IKZF2: variants seen among roughly 807,000 people sequenced by gnomAD.
IKZF2 encodes the protein zinc finger protein Helios.
Under a neutral mutation model 49.2 loss-of-function variants are expected in IKZF2, and 15 were observed. The observed-to-expected ratio is 0.30, with a 90% CI of 0.20 to 0.47. The LOEUF is 0.47. Ranked by LOEUF, IKZF2 falls within the 20% of genes least tolerant of loss-of-function variation. The probability of loss-of-function intolerance (pLI) is 1.00; values close to 1 mark genes in which losing one functional copy is unlikely to be tolerated. For synonymous variants in IKZF2, 227 were observed against 221.4 expected (o/e 1.03, Z -0.23); for missense variants, 567 against 664.6 (o/e 0.85, Z 1.61).
chr2:213,138,060 A>G (rs1219234863), intron 4 of IKZF2, among the ~76,000 whole-genome samples: 1 of 152,142 alleles, frequency 6.6e-6, no homozygotes, highest in Non-Finnish European at 1.5e-5. Context: ...GATTAATTAT[A>G]CACTCATCAA....
intron 4 of IKZF2, among the ~76,000 whole-genome samples, chr2:213,120,878 C>CTACG (rs1174381697): frequency 6.6e-6 from 1 of 152,092 alleles, no homozygotes; most frequent in Non-Finnish European, 1.5e-5. Flanking sequence ...GTAGCTGGGA[C>CTACG]TACGGGTACG....
chr2:213,028,130 A>C (rs1698014958), intron 6 of IKZF2, among the ~76,000 whole-genome samples: 1 of 152,074 alleles, frequency 6.6e-6, no homozygotes, highest in Non-Finnish European at 1.5e-5. Context: ...CAGTTGTTCT[A>C]GACCCATTTA....
chr2:213,132,319 C>CA (rs754458392), intron 4 of IKZF2, among the ~76,000 whole-genome samples: 2,365 of 124,154 alleles, frequency 0.019, 42 homozygotes, highest in African/African-American at 0.057. Context: ...TAAAGGCATC[C>CA]AAAAAAAAAA....
At chr2:213,021,962 A>G in intron 7 of IKZF2, 31 bp downstream of exon 7, 2 of 1,587,074 alleles carry the variant, frequency 1.3e-6, no homozygotes, top group Non-Finnish European at 1.7e-6. Flanking sequence ...AGTAGGGGGA[A>G]ATAAAAATGA....
intron 6 of IKZF2, among the ~76,000 whole-genome samples, chr2:213,038,697 T>G (rs1699304053): frequency 6.6e-6 from 1 of 151,938 alleles, no homozygotes; most frequent in Admixed American, 6.6e-5. Flanking sequence ...GAAGGGAAGA[T>G]AATTTAAATA....
rs1039633087 is a variant in IKZF2 at position 213,117,757 on chromosome 2, A to T, written c.139+29951T>A. On this transcript the variant is annotated intron_variant, in intron 4 of 8. Coordinates refer to ENST00000434687, the MANE Select transcript of IKZF2 (RefSeq NM_001387220.1). ...TGTATTTCCCAAGTTCTGATTTGTG[A>T]TTTAAAATGTATTTCCTCATAGTGT... Among the ~76,000 whole-genome samples the T allele has an allele frequency of 2.0e-5, 3 of 152,200 alleles. 1 individual carries two copies. In the South Asian group the frequency reaches 6.2e-4, roughly 32 times the overall value.
At position 213,150,179 on chromosome 2, in the gene IKZF2, A is replaced by C. The variant is rs2061232698; in HGVS notation, c.-51T>G. 1.5e-6 allele frequency: 2 copies of C among 1,303,912 alleles called. No individual in the cohort carries two copies. Among genetic ancestry groups the C allele is most frequent in the Non-Finnish European group, 2.0e-6 (2 of 988,350 alleles). 80.8% of individuals were successfully genotyped at this position (1,303,912 alleles called of 1,614,324 possible). Reference sequence around the variant, plus strand: ...GTCCTTTGATTAAAAAAGATTCATCACCATTTCCAGCTCTGTCGGGAGATC... The same window carrying C: ...GTCCTTTGATTAAAAAAGATTCATCCCCATTTCCAGCTCTGTCGGGAGATC... On this transcript the variant is annotated 5_prime_UTR_variant, in exon 2 of 9. Coordinates refer to ENST00000434687, the MANE Select transcript of IKZF2 (RefSeq NM_001387220.1).
rs1231912013 is a variant in IKZF2 at position 213,003,395 on chromosome 2, T to G, written c.*3965A>C. 6.6e-6 allele frequency: 1 copy of G among 151,850 alleles called. No individual in the cohort carries two copies. The highest frequency in any genetic ancestry group is 1.5e-5 in the Non-Finnish European group (1 of 67,690). The allele number at this position is 151,850 out of a possible 1,614,324, so 9.4% of individuals were successfully genotyped here. On this transcript the variant is annotated 3_prime_UTR_variant, in exon 9 of 9. Transcript: ENST00000434687. ...ATTTGGGGAATTTTCTGGTTTAGAA[T>G]AGTCTTCATTCAGATAGTATTTATT...
intron 6 of IKZF2, 100 bp downstream of exon 6, chr2:213,049,613 C>A: frequency 1.3e-6 from 1 of 789,842 alleles, no homozygotes; most frequent in South Asian, 3.4e-5. Flanking sequence ...TTGTCTTGGT[C>A]ATTACCGACT....
At chr2:213,110,979 T>C (rs1039885672) in intron 4 of IKZF2, among the ~76,000 whole-genome samples, 55 of 152,158 alleles carry the variant, frequency 3.6e-4, no homozygotes, top group African/African-American at 1.3e-3. Flanking sequence ...AGATACTTAC[T>C]GTACTTCAGG....
intron 4 of IKZF2, among the ~76,000 whole-genome samples, chr2:213,099,837 A>T (rs1010277333): frequency 5.3e-5 from 8 of 152,098 alleles, no homozygotes; most frequent in Admixed American, 3.9e-4. Flanking sequence ...GTGCTTTTAG[A>T]GGATTAAATA....
At chr2:213,098,590 A>G (rs114217109) in intron 4 of IKZF2, among the ~76,000 whole-genome samples, 2,620 of 152,286 alleles carry the variant, frequency 0.017, 75 homozygotes, top group African/African-American at 0.06. Flanking sequence ...ACTACTTTGC[A>G]ATTACTTTTT....
chr2:213,086,533 G>T (rs930032405), intron 4 of IKZF2, among the ~76,000 whole-genome samples: 1 of 152,174 alleles, frequency 6.6e-6, no homozygotes, highest in African/African-American at 2.4e-5. Context: ...TAGTTCAGGT[G>T]AGTATGATTA....
At chr2:213,045,509 A>G (rs1244185068) in intron 6 of IKZF2, among the ~76,000 whole-genome samples, 3 of 152,188 alleles carry the variant, frequency 2.0e-5, no homozygotes, top group African/African-American at 7.2e-5. Context: ...GTCTGGAGAA[A>G]TCTTGTTCAT....
chr2:213,063,916 C>T (rs564096834), intron 4 of IKZF2, among the ~76,000 whole-genome samples: 1 of 152,132 alleles, frequency 6.6e-6, no homozygotes, highest in South Asian at 2.1e-4. Flanking sequence ...ATACCAGAAA[C>T]TTAAGTCCCG....
At chr2:213,016,571 A>G (rs974621641) in intron 7 of IKZF2, among the ~76,000 whole-genome samples, 24 of 152,174 alleles carry the variant, frequency 1.6e-4, no homozygotes, top group Non-Finnish European at 3.5e-4. Flanking sequence ...CAAATTCTCT[A>G]GATATCTCAA....
chr2:213,148,522 T>C, intron 3 of IKZF2, 74 bp downstream of exon 3: 1 of 990,894 alleles, frequency 1.0e-6, no homozygotes. Context: ...AGTTTCATAA[T>C]CCAGGAATTA....
intron 4 of IKZF2, among the ~76,000 whole-genome samples, chr2:213,066,711 T>C (rs189201504): frequency 6.6e-6 from 1 of 152,232 alleles, no homozygotes; most frequent in Admixed American, 6.5e-5. Flanking sequence ...TTGTTGTTGT[T>C]GTTGTTCTTC....
At chr2:213,022,517 T>C (rs776084720) in intron 6 of IKZF2, among the ~76,000 whole-genome samples, 2 of 152,092 alleles carry the variant, frequency 1.3e-5, no homozygotes, top group Non-Finnish European at 2.9e-5. Flanking sequence ...GTTTGTTTTC[T>C]TTTCGGGTAA....
Sources: allele counts gnomAD v4.1 joint callset (sites outside exome capture counted in the v4.1 genomes callset), GRCh38; gene constraint gnomAD v4.1.1; transcripts MANE v1.5; gene names NCBI Gene and HGNC (gene_info 2026-07-23, HGNC 2026-07-21).